IL21R: variants seen among roughly 807,000 people sequenced by gnomAD.
The protein encoded by IL21R is interleukin 21 receptor.
Under a neutral mutation model 41.3 loss-of-function variants are expected in IL21R, and 14 were observed. The observed-to-expected ratio is 0.34, with a 90% confidence interval of 0.22 to 0.53. The LOEUF (loss-of-function observed/expected upper bound fraction) is 0.53. Ranked by LOEUF, IL21R falls within the 20% of genes least tolerant of loss-of-function variation. IL21R has a pLI of 0.94. For missense variants in IL21R, 588 were observed against 681.6 expected (o/e 0.86, Z 1.53); for synonymous variants, 286 against 287.6 (o/e 0.99, Z 0.05).
At chr16:27,438,011 CTA>C (rs2087304688) in intron 4 of IL21R, among the ~76,000 whole-genome samples, 1 of 152,134 alleles carries the variant, frequency 6.6e-6, no homozygotes, top group South Asian at 2.1e-4. Context: ...CTGACCTGGC[CTA>C]TGTCCTCACT....
intron 3 of IL21R, 25 bp from the exon 4 acceptor site, chr16:27,437,463 A>G: frequency 1.9e-6 from 3 of 1,603,128 alleles, no homozygotes; most frequent in Non-Finnish European, 2.6e-6. Flanking sequence ...GCTTCCAGCC[A>G]TGACCGGCTG....
intron 1 of IL21R, among the ~76,000 whole-genome samples, chr16:27,414,039 A>C (rs1057213386): frequency 2.6e-5 from 4 of 152,002 alleles, no homozygotes; most frequent in Non-Finnish European, 4.4e-5. Context: ...TTATAAATTA[A>C]AAGTTTCTTA....
In IL21R at chr16:27,448,801, G is replaced by T; in HGVS notation, c.1135G>T (p.Val379Leu). The T allele has an allele frequency of 1.2e-6, 2 of 1,613,540 alleles. No individual in the cohort carries two copies. The highest frequency in any genetic ancestry group is 1.1e-5 in the South Asian group (1 of 91,092). The change falls in exon 9 of 9, where the codon GTG (valine) becomes TTG (leucine). Residue 379 changes from valine to leucine, a missense_variant. Transcript: ENST00000337929. ...ATACGGCCTGGTGTCCATTGACACA[G>T]TGACTGTGCTAGATGCAGAGGGGCC... ...RPYGLVSIDTVTVLDAEGPCT... is the reference protein window; with the variant it reads ...RPYGLVSIDTLTVLDAEGPCT...
chr16:27,426,757 G>C (rs1032682030), intron 1 of IL21R, among the ~76,000 whole-genome samples: 1 of 152,236 alleles, frequency 6.6e-6, no homozygotes, highest in African/African-American at 2.4e-5. Context: ...GAGAATAAAA[G>C]AGCCAGAGAA....
At chr16:27,440,287 A>AGAGAGAGAGAGAGAGCGC (rs1479585420) in intron 4 of IL21R, among the ~76,000 whole-genome samples, 2 of 102,714 alleles carry the variant, frequency 1.9e-5, no homozygotes, top group African/African-American at 5.0e-5. Context: ...AGAGCGAGCA[A>AGAGAGAGAGAGAGAGCGC]GCGCGCGCCA....
At chr16:27,409,423 T>C (rs1454256960) in intron 1 of IL21R, among the ~76,000 whole-genome samples, 1 of 151,934 alleles carries the variant, frequency 6.6e-6, no homozygotes, top group Non-Finnish European at 1.5e-5. Flanking sequence ...TTCTATGTGC[T>C]GTTTAAGAAG....
chr16:27,422,188 CT>C (rs931998534), intron 1 of IL21R, among the ~76,000 whole-genome samples: 4 of 151,886 alleles, frequency 2.6e-5, no homozygotes, highest in South Asian at 2.1e-4. Flanking sequence ...GGTGAAGTGT[CT>C]TTTTTTTCTG....
In IL21R at chr16:27,450,628, A is replaced by G. The variant is rs1414332649; in HGVS notation, c.*1345A>G. 1 of 213,566 alleles carries G rather than the reference A, an allele frequency of 4.7e-6. No homozygotes were observed. Among genetic ancestry groups the G allele is most frequent in the Non-Finnish European group, 9.3e-6 (1 of 107,448 alleles). The allele number at this position is 213,566 out of a possible 1,614,324, so 13.2% of individuals were successfully genotyped here. A position where few individuals can be genotyped will look rare whatever the true frequency, so the allele number is the denominator to read the frequency against. ...AGACAGAGTCTCACTCTCGTCGCCC[A>G]GGCTGGAATGCAGTGGTGCGATCTC... is the stretch of plus-strand genomic sequence containing the variant. On this transcript the variant is annotated 3_prime_UTR_variant, in exon 9 of 9. Transcript: ENST00000337929.
intron 1 of IL21R, among the ~76,000 whole-genome samples, chr16:27,424,196 T>C (rs974803436): frequency 6.6e-6 from 1 of 152,120 alleles, no homozygotes. Flanking sequence ...TGCCTCAGCC[T>C]CCAGAGTAGC....
chr16:27,430,260 G>T (rs1005549218), intron 2 of IL21R, 140 bp downstream of exon 2: 13 of 678,428 alleles, frequency 1.9e-5, no homozygotes, highest in Non-Finnish European at 3.0e-5. Context: ...CCTTGAGGCT[G>T]ACACGAGTCC....
At chr16:27,419,241 AG>A (rs1273423295) in intron 1 of IL21R, among the ~76,000 whole-genome samples, 2 of 152,184 alleles carry the variant, frequency 1.3e-5, no homozygotes, top group African/African-American at 4.8e-5. Flanking sequence ...TCTAAGACAC[AG>A]GCAGACACAT....
chr16:27,434,416 G>T lies in IL21R; in HGVS notation c.119G>T (p.Trp40Leu). The change falls in exon 3 of 9, where the codon TGG (tryptophan) becomes TTG (leucine). Residue 40 changes from tryptophan to leucine, a missense_variant. Trp to Leu is a moderately conservative substitution (Grantham distance 61, BLOSUM62 -2). Transcript: ENST00000337929. ...LQTVICILEM[W>L]NLHPSTLTLT... ...ACGGTCATCTGCATCCTGGAAATGT[G>T]GAACCTCCACCCCAGCACGCTCACC... 2 of 1,613,868 alleles carry T rather than the reference G, an allele frequency of 1.2e-6. No homozygotes were observed. Among genetic ancestry groups the T allele is most frequent in the Non-Finnish European group, 1.7e-6 (2 of 1,179,842 alleles).
At chr16:27,425,010 C>T (rs1204157294) in intron 1 of IL21R, among the ~76,000 whole-genome samples, 1 of 152,180 alleles carries the variant, frequency 6.6e-6, no homozygotes, top group Non-Finnish European at 1.5e-5. Context: ...TGAACTCACT[C>T]ATCACCAAGC....
intron 1 of IL21R, among the ~76,000 whole-genome samples, chr16:27,428,719 C>T (rs1165409328): frequency 2.0e-5 from 3 of 152,182 alleles, no homozygotes; most frequent in African/African-American, 7.2e-5. Flanking sequence ...CACTCTGCTC[C>T]CCAAAGAGGT....
At chr16:27,414,664 A>C (rs2086871589) in intron 1 of IL21R, among the ~76,000 whole-genome samples, 1 of 149,860 alleles carries the variant, frequency 6.7e-6, no homozygotes, top group Non-Finnish European at 1.5e-5. Flanking sequence ...TAGAAAATCA[A>C]GTTTTAAAAA....
At position 27,403,650 on chromosome 16, in the gene IL21R, T is replaced by C. The variant is rs73531147; in HGVS notation, c.-17+1032T>C. Among the ~76,000 whole-genome samples the C allele has an allele frequency of 9.1e-3, 1,383 of 152,312 alleles. 21 individuals are homozygous for C. Among genetic ancestry groups the C allele is most frequent in the African/African-American group, 0.032 (1,324 of 41,556 alleles). On this transcript the variant is annotated intron_variant, in intron 1 of 8. Transcript: ENST00000337929. ...CCTGGTGGAGCTAGTTGTGGGGACC[T>C]CAGGGCCGAACAGGGTGAAAGCTGT...
rs998056972 is a variant in IL21R at position 27,430,184 on chromosome 16, G to C, written c.49+64G>C. ...CCCATCACAGAGCTGAGCCAGGGCC[G>C]GGCTGGCTTTCTGGGCTCAAAAACA... On this transcript the variant is annotated intron_variant, in intron 2 of 8. Coordinates refer to ENST00000337929, the MANE Select transcript of IL21R (RefSeq NM_181078.3). 8.9e-6 allele frequency: 13 copies of C among 1,462,780 alleles called. No homozygotes were observed. The Admixed American group carries it at 2.4e-4, about 26-fold the overall frequency. 90.6% of individuals were successfully genotyped at this position (1,462,780 alleles called of 1,614,324 possible).
At chr16:27,425,947 G>A (rs1333801580) in intron 1 of IL21R, among the ~76,000 whole-genome samples, 1 of 152,080 alleles carries the variant, frequency 6.6e-6, no homozygotes, top group Non-Finnish European at 1.5e-5. Flanking sequence ...TTCAATTACT[G>A]CCTTTGTTTT....
At chr16:27,431,109 G>C (rs1343136662) in intron 2 of IL21R, among the ~76,000 whole-genome samples, 6 of 152,202 alleles carry the variant, frequency 3.9e-5, no homozygotes, top group Non-Finnish European at 8.8e-5. Flanking sequence ...GTGGAGGCCG[G>C]CCTAGGGGCA....
Sources: allele counts gnomAD v4.1 joint callset (sites outside exome capture counted in the v4.1 genomes callset), GRCh38; gene constraint gnomAD v4.1.1; transcripts MANE v1.5; gene names NCBI Gene and HGNC (gene_info 2026-07-23, HGNC 2026-07-21).